C16orf46: variants seen among roughly 807,000 people sequenced by gnomAD.
C16orf46 encodes the protein uncharacterized protein C16orf46.
C16orf46 carries 7 observed loss-of-function variants against 5.5 expected under a neutral mutation model. The observed-to-expected ratio is 1.28, with a 90% CI of 0.73 to 2.40. C16orf46 has a LOEUF of 2.40. C16orf46 is among the 30% of genes most tolerant of loss of function. The pLI is 0.00. For missense variants in C16orf46, 614 were observed against 476.0 expected (o/e 1.29, Z -2.70); for synonymous variants, 200 against 184.1 (o/e 1.09, Z -0.70).
chr16:81,058,950 C>T (rs1182031751), downstream of C16orf46, among the ~76,000 whole-genome samples: 1 of 152,206 alleles, frequency 6.6e-6, no homozygotes, highest in Non-Finnish European at 1.5e-5. Flanking sequence ...ACCCAACCCT[C>T]TGCTGAACAA....
At position 81,061,293 on chromosome 16, in the gene C16orf46, C is replaced by A; in HGVS notation, c.1056G>T (p.Lys352Asn). The A allele has an allele frequency of 1.2e-6, 2 of 1,614,132 alleles. No individual in the cohort carries two copies. The highest frequency in any genetic ancestry group is 4.5e-5 in the East Asian group (2 of 44,852). ...KEPRSPVITR[K>N]HVLPKAKQEN... ...CCTGCTTGGCCTTTGGGAGAACATG[C>A]TTTCGGGTGATCACAGGAGATCTTG... The change falls in exon 4 of 4, where the codon AAG (lysine) becomes AAT (asparagine). Residue 352 changes from lysine (K) to asparagine (N), a missense_variant. Physicochemically the swap from Lys to Asn is moderately conservative, Grantham distance 94 (BLOSUM62 0). Coordinates refer to ENST00000299578, the MANE Select transcript of C16orf46 (RefSeq NM_152337.3).
Position 81,061,190 on chromosome 16 carries a change from T to C in C16orf46, c.1159A>G (p.Ile387Val). ...AGGATCCTGTGGGTAGAGACAGGAA[T>C]GATAACTCTGCTCACTGTGAGAGAC... ...LPSLTVSRVI[I>V]PVSTHRIL Residue 387 changes from isoleucine to valine, a missense_variant, in exon 4 of 4, where the codon ATT (isoleucine) becomes GTT (valine). By Grantham distance (29) the Ile-to-Val change is conservative. Coordinates refer to ENST00000299578, the MANE Select transcript of C16orf46 (RefSeq NM_152337.3). 6.2e-7 allele frequency: 1 copy of C among 1,613,180 alleles called. No homozygotes were observed. Among genetic ancestry groups the C allele is most frequent in the Non-Finnish European group, 8.5e-7 (1 of 1,179,462 alleles).
At chr16:81,076,100 A>G (rs1343152930) in intron 1 of C16orf46, among the ~76,000 whole-genome samples, 1 of 152,212 alleles carries the variant, frequency 6.6e-6, no homozygotes, top group Non-Finnish European at 1.5e-5. Context: ...TTAACAACCT[A>G]TGCTGAATGA....
chr16:81,054,158 G>T, intron 3 of C16orf46: 2 of 1,464,164 alleles, frequency 1.4e-6, no homozygotes. Context: ...AAATGTGGCA[G>T]AAGTCAATGC....
intron 1 of C16orf46, among the ~76,000 whole-genome samples, chr16:81,069,621 C>T (rs1418994225): frequency 1.3e-5 from 2 of 152,140 alleles, no homozygotes; most frequent in Non-Finnish European, 2.9e-5. Context: ...GGTGACTGAT[C>T]ATACTGTTTT....
intron 3 of C16orf46, among the ~76,000 whole-genome samples, chr16:81,054,858 G>T (rs1223774573): frequency 6.6e-6 from 1 of 152,076 alleles, no homozygotes. Context: ...ATGTTGGCCA[G>T]GCTGGTCTCG....
intron 3 of C16orf46, among the ~76,000 whole-genome samples, chr16:81,063,191 CA>C (rs1971543665): frequency 6.8e-6 from 1 of 146,314 alleles, no homozygotes; most frequent in Non-Finnish European, 1.5e-5. Flanking sequence ...TGCAGTGAGC[CA>C]AGATCGCGCC....
In C16orf46 at chr16:81,061,482, G is replaced by A. The variant is rs377170723; in HGVS notation, c.867C>T (p.Ser289=). The change falls in exon 4 of 4, where the codon TCC becomes TCT. Residue 289 remains serine (S), a synonymous_variant. Transcript: ENST00000299578. ...AGCGCTGCTCCGGATCGGTCAGCAG[G>A]GATATCTGGGCCGCTGGGGAAGGGG... ...PSSPSPAAQI[S]LLTDPEQRCL... is the part of the protein sequence containing the mutation. 5.5e-5 allele frequency: 88 copies of A among 1,614,172 alleles called. No individual in the cohort carries two copies. The African/African-American group carries it at 1.0e-3, about 19-fold the overall frequency.
chr16:81,075,725 G>A (rs149584193), intron 1 of C16orf46, among the ~76,000 whole-genome samples: 1 of 152,204 alleles, frequency 6.6e-6, no homozygotes, highest in African/African-American at 2.4e-5. Flanking sequence ...CCAGAAAATA[G>A]AGTGTGCCAC....
downstream of C16orf46, chr16:81,056,559 G>T (rs913663694): frequency 6.6e-6 from 1 of 152,142 alleles, no homozygotes; most frequent in African/African-American, 2.4e-5. Flanking sequence ...GGCTGGGCAT[G>T]GTGGCAGGCA....
chr16:81,070,774 G>A (rs1254979801), intron 1 of C16orf46, among the ~76,000 whole-genome samples: 3 of 151,980 alleles, frequency 2.0e-5, no homozygotes, highest in Admixed American at 2.0e-4. Context: ...TGCAACCTCC[G>A]CCTCCGAGGT....
chr16:81,068,098 C>T (rs72825255), intron 1 of C16orf46, among the ~76,000 whole-genome samples: 6,158 of 152,242 alleles, frequency 0.04, 199 homozygotes, highest in Non-Finnish European at 0.055. Flanking sequence ...GGATCTGTGA[C>T]ACTATATTGA....
At chr16:81,065,760 T>G (rs966761221) in intron 2 of C16orf46, among the ~76,000 whole-genome samples, 2 of 152,204 alleles carry the variant, frequency 1.3e-5, no homozygotes, top group Non-Finnish European at 2.9e-5. Context: ...TCGGTACTTC[T>G]TATGACAAAT....
intron 1 of C16orf46, chr16:81,076,372 T>C (rs1972039560): frequency 6.6e-6 from 1 of 152,124 alleles, no homozygotes; most frequent in South Asian, 2.1e-4. Context: ...AGAGTATAAA[T>C]TTTATCCTCC....
exon 4 of C16orf46, chr16:81,054,014 A>G (rs1670145520): frequency 6.5e-7 from 1 of 1,549,988 alleles, no homozygotes; most frequent in Admixed American, 1.7e-5. Flanking sequence ...ATTTGCTTTT[A>G]TGATTACATC....
chr16:81,061,659 C>T lies in C16orf46; in HGVS notation c.690G>A (p.Lys230=). 6.2e-7 allele frequency: 1 copy of T among 1,614,204 alleles called. No homozygotes were observed. Among genetic ancestry groups the T allele is most frequent in the South Asian group, 1.1e-5 (1 of 91,084 alleles). The change falls in exon 4 of 4, where the codon AAG becomes AAA. Residue 230 remains lysine, a synonymous_variant. Transcript: ENST00000299578. ...NALDVLGKKS[K]NSFLQSEEKV... ...TCTCTTCTGACTGCAAGAAAGAGTT[C>T]TTACTCTTCTTACCCAGAACATCCA...
At chr16:81,074,332 C>A (rs920275366) in intron 1 of C16orf46, among the ~76,000 whole-genome samples, 2 of 152,160 alleles carry the variant, frequency 1.3e-5, no homozygotes, top group African/African-American at 4.8e-5. Flanking sequence ...CTGAAATCTA[C>A]ATCTATTAAT....
At chr16:81,059,541 ATG>A (rs1174363085), downstream of C16orf46, among the ~76,000 whole-genome samples, 1 of 152,184 alleles carries the variant, frequency 6.6e-6, no homozygotes, top group African/African-American at 2.4e-5. Context: ...TCATCAGAAC[ATG>A]TGTCTACAAA....
rs144441768 is a variant in C16orf46 at position 81,062,367 on chromosome 16, G to A, written c.211-229C>T. On this transcript the variant is annotated intron_variant, in intron 3 of 3. Transcript: ENST00000299578. ...AAAAAGTGTAATACCTACTTTCACC[G>A]CTATAAAGCAATAACAGTATTTGTA... 2.9e-3 allele frequency among the ~76,000 whole-genome samples: 437 copies of A among 151,602 alleles called. 3 individuals carry two copies. Among genetic ancestry groups the A allele is most frequent in the African/African-American group, 1.0e-2 (411 of 41,284 alleles).
Sources: gnomAD v4.1 joint callset for allele counts (sites outside exome capture counted in the v4.1 genomes callset) on GRCh38, gnomAD v4.1.1 for gene constraint, MANE v1.5 for transcripts, NCBI Gene and HGNC (gene_info 2026-07-23, HGNC 2026-07-21) for gene names.